The following LEKR1 variants were observed in gnomAD, a reference collection of about 807,000 sequenced individuals.
The protein encoded by LEKR1 is protein LEKR1.
In LEKR1, 59 loss-of-function variants were observed where a neutral mutation model predicts 72.4. The observed-to-expected ratio is 0.82, with a 90% CI of 0.66 to 1.01. The LOEUF (loss-of-function observed/expected upper bound fraction) is 1.01, where lower values mean the gene tolerates loss of function less well. LEKR1 is among the 50% of genes least tolerant of loss of function. The pLI is 0.00. For synonymous variants in LEKR1, 257 were observed against 263.2 expected, an observed-to-expected ratio of 0.98 and a Z score of 0.23; for missense variants, 728 against 759.2, an observed-to-expected ratio of 0.96 and a Z score of 0.48.
intron 6 of LEKR1, among the ~76,000 whole-genome samples, chr3:156,960,728 T>A (rs1470117633): frequency 2.0e-5 from 3 of 152,176 alleles, no homozygotes; most frequent in Non-Finnish European, 4.4e-5. Flanking sequence ...GTGCATATAG[T>A]TTAATAGTGG....
chr3:157,010,150 T>A (rs1732772336), intron 9 of LEKR1, among the ~76,000 whole-genome samples: 2 of 152,048 alleles, frequency 1.3e-5, no homozygotes, highest in South Asian at 4.1e-4. Flanking sequence ...ATTTTATTGA[T>A]CTCAAAGAAA....
intron 3 of LEKR1, among the ~76,000 whole-genome samples, chr3:156,864,728 A>C (rs1469301944): frequency 3.3e-5 from 5 of 152,056 alleles, no homozygotes; most frequent in African/African-American, 1.2e-4. Flanking sequence ...TTGACTTCTT[A>C]ATAGCATTTG....
At chr3:156,945,534 G>A (rs560825451) in intron 6 of LEKR1, among the ~76,000 whole-genome samples, 26 of 151,938 alleles carry the variant, frequency 1.7e-4, no homozygotes, top group African/African-American at 6.0e-4. Flanking sequence ...CTAGTCCAAT[G>A]TCCTGGAGGG....
chr3:156,951,737 G>A (rs1462861521), intron 6 of LEKR1, among the ~76,000 whole-genome samples: 3 of 151,330 alleles, frequency 2.0e-5, no homozygotes, highest in African/African-American at 7.3e-5. Flanking sequence ...GGGTGTATTT[G>A]GATCTTCTCT....
In LEKR1 at chr3:156,942,352, C is replaced by T. The variant is rs1040532755; in HGVS notation, c.560-177C>T. On this transcript the variant is annotated intron_variant, in intron 5 of 12. Transcript: ENST00000356539. ...CATGTAGCAATAAAACTTTTTTTAT[C>T]GTTTTCAGACTGACTACTGAATTTA... Among the ~76,000 whole-genome samples, 22 of 151,958 alleles carry T rather than the reference C, an allele frequency of 1.4e-4. No homozygotes were observed. The East Asian group carries it at 1.5e-3, about 11-fold the overall frequency.
At chr3:156,955,664 T>G (rs565787620) in intron 6 of LEKR1, among the ~76,000 whole-genome samples, 7 of 152,266 alleles carry the variant, frequency 4.6e-5, no homozygotes, top group African/African-American at 1.4e-4. Flanking sequence ...TTTGCATATG[T>G]TTAACCAAGC....
intron 3 of LEKR1, among the ~76,000 whole-genome samples, chr3:156,854,965 A>G (rs1244114580): frequency 2.6e-5 from 4 of 152,332 alleles, no homozygotes; most frequent in Admixed American, 2.6e-4. Flanking sequence ...TTAACTATAT[A>G]TATTGGAAAT....
chr3:156,953,916 G>T (rs1345683697), intron 6 of LEKR1, among the ~76,000 whole-genome samples: 1 of 151,544 alleles, frequency 6.6e-6, no homozygotes, highest in Non-Finnish European at 1.5e-5. Context: ...ATCGTATTTT[G>T]GCCTCTAGAT....
intron 5 of LEKR1, among the ~76,000 whole-genome samples, chr3:156,931,698 A>G (rs1453090256): frequency 1.3e-5 from 2 of 152,174 alleles, no homozygotes; most frequent in African/African-American, 4.8e-5. Context: ...GGTAGCATGG[A>G]TAATCCTCAA....
chr3:156,958,452 G>A (rs1727841401), intron 6 of LEKR1, among the ~76,000 whole-genome samples: 1 of 152,056 alleles, frequency 6.6e-6, no homozygotes, highest in African/African-American at 2.4e-5. Flanking sequence ...CTTTCTTCTT[G>A]TCTCTAGGGT....
rs531051838 is a variant in LEKR1, at chr3:156,891,952, A to G, written c.264-28623A>G. ...GACTGTACTCGTGGCATGAAAAGAG[A>G]ATATTAGAGATCTGGTGTTACCAAT... On this transcript the variant is annotated intron_variant, in intron 3 of 12. Coordinates refer to ENST00000356539, the MANE Select transcript of LEKR1 (RefSeq NM_001004316.3). Among the ~76,000 whole-genome samples, 8 of 152,216 alleles carry G rather than the reference A, an allele frequency of 5.3e-5. No homozygotes were observed. In the South Asian group the frequency reaches 1.7e-3, roughly 32 times the overall value.
intron 6 of LEKR1, among the ~76,000 whole-genome samples, chr3:156,978,582 C>T (rs955674278): frequency 2.0e-5 from 3 of 152,196 alleles, no homozygotes; most frequent in Non-Finnish European, 2.9e-5. Flanking sequence ...TGCATTCACA[C>T]ACTTGTTAGA....
chr3:156,914,689 T>TTCTCTTTTATCTATGAAGGCC (rs1161864701), intron 3 of LEKR1, among the ~76,000 whole-genome samples: 1 of 152,190 alleles, frequency 6.6e-6, no homozygotes, highest in African/African-American at 2.4e-5. Context: ...AATTTCTTGC[T>TTCTCTTTTATCTATGAAGGCC]TCTCTTTTAT....
chr3:156,866,381 C>A (rs1717305800), intron 3 of LEKR1, among the ~76,000 whole-genome samples: 1 of 151,892 alleles, frequency 6.6e-6, no homozygotes, highest in African/African-American at 2.4e-5. Context: ...CCTCTTCCTC[C>A]CCAAAATGCA....
intron 4 of LEKR1, among the ~76,000 whole-genome samples, chr3:156,925,522 T>C (rs1025474108): frequency 7.9e-5 from 12 of 152,036 alleles, no homozygotes; most frequent in Admixed American, 5.9e-4. Context: ...GTGTTATTCA[T>C]CTCTTAGCAA....
In LEKR1 at chr3:156,883,506, G is replaced by T. The variant is rs1425932362; in HGVS notation, c.263+30524G>T. Reference sequence around the variant, plus strand: ...GGTCAGGAGTAGAATGATATGGTTTGTCTGTGTCCTCACCCAAATCTTATC... The same window carrying T: ...GGTCAGGAGTAGAATGATATGGTTTTTCTGTGTCCTCACCCAAATCTTATC... On this transcript the variant is annotated intron_variant, in intron 3 of 12. Transcript: ENST00000356539. 2.6e-5 allele frequency among the ~76,000 whole-genome samples: 4 copies of T among 152,280 alleles called. No individual in the cohort carries two copies. In the East Asian group the frequency reaches 7.7e-4, roughly 29 times the overall value.
intron 6 of LEKR1, among the ~76,000 whole-genome samples, chr3:156,952,215 T>C (rs1336667693): frequency 1.3e-5 from 2 of 151,464 alleles, no homozygotes; most frequent in Non-Finnish European, 3.0e-5. Flanking sequence ...TAGCTGCTGA[T>C]GGGATGGCCC....
intron 3 of LEKR1, among the ~76,000 whole-genome samples, chr3:156,892,906 C>G (rs923552647): frequency 1.3e-5 from 2 of 152,160 alleles, no homozygotes; most frequent in African/African-American, 4.8e-5. Context: ...GGCCTCAGGC[C>G]TACTCATGAT....
At position 156,852,790 on chromosome 3, in the gene LEKR1, G is replaced by A. The variant is rs900420336; in HGVS notation, c.71G>A (p.Cys24Tyr). 6.6e-7 allele frequency: 1 copy of A among 1,526,528 alleles called. No homozygotes were observed. The highest frequency in any genetic ancestry group is 8.8e-7 in the Non-Finnish European group (1 of 1,142,338). 94.6% of individuals were successfully genotyped at this position (1,526,528 alleles called of 1,614,324 possible). The change falls in exon 3 of 13, where the codon TGT becomes TAT. Residue 24 changes from cysteine to tyrosine, a missense_variant. Physicochemically the swap from Cys to Tyr is radical, Grantham distance 194 (BLOSUM62 -2). Transcript: ENST00000356539. The stretch of plus-strand genomic sequence containing the variant: ...TAGATGTTGCCTGAAGAAAAAGTTT[G>A]TAAGTACTGTGGAGTCAGCTATCTA... ...IQKMLPEEKV[C>Y]KYCGVSYLIL... is the part of the protein sequence containing the mutation.
Sources: allele counts gnomAD v4.1 joint callset (sites outside exome capture counted in the v4.1 genomes callset), GRCh38; gene constraint gnomAD v4.1.1; transcripts MANE v1.5; gene names NCBI Gene and HGNC (gene_info 2026-07-23, HGNC 2026-07-21).